ALK: variants seen among roughly 807,000 people sequenced by gnomAD.
ALK encodes the protein ALK receptor tyrosine kinase.
ALK carries 74 observed loss-of-function variants against 163.1 expected under a neutral mutation model. That is an observed-to-expected ratio of 0.45 (90% CI 0.38 to 0.55). The LOEUF (loss-of-function observed/expected upper bound fraction) is 0.55, where lower values mean the gene tolerates loss of function less well. ALK is among the 20% of genes least tolerant of loss of function. ALK has a pLI of 0.00. For missense variants in ALK, 2,063 were observed against 2,105.3 expected, an observed-to-expected ratio of 0.98 and a Z score of 0.39; for synonymous variants, 960 against 843.2, an observed-to-expected ratio of 1.14 and a Z score of -2.40.
At chr2:29,592,535 A>G (rs979725434) in intron 3 of ALK, among the ~76,000 whole-genome samples, 8 of 152,168 alleles carry the variant, frequency 5.3e-5, no homozygotes, top group African/African-American at 1.9e-4. Flanking sequence ...GGGATGCTGG[A>G]GGCCACAAAG....
chr2:29,885,860 T>C (rs1021073342), intron 1 of ALK, among the ~76,000 whole-genome samples: 8 of 152,170 alleles, frequency 5.3e-5, no homozygotes, highest in Non-Finnish European at 1.0e-4. Flanking sequence ...GGAAGAAGAA[T>C]TGATATTGTA....
chr2:29,610,235 C>A lies in ALK; in HGVS notation c.953-78119G>T, dbSNP rs527479550. Among the ~76,000 whole-genome samples, 12 of 152,230 alleles carry A rather than the reference C, an allele frequency of 7.9e-5. No individual in the cohort carries two copies. In the South Asian group the frequency reaches 2.5e-3, roughly 32 times the overall value. On this transcript the variant is annotated intron_variant, in intron 3 of 28. Transcript: ENST00000389048. ...ACCAAGCGACAGTTGCCATTACCAGCGTATGGATGGGGAAACCAAGGCATA... is the reference window on the plus strand; with the variant it reads ...ACCAAGCGACAGTTGCCATTACCAGAGTATGGATGGGGAAACCAAGGCATA...
chr2:29,577,935 G>A (rs1051359840), intron 3 of ALK, among the ~76,000 whole-genome samples: 14 of 152,112 alleles, frequency 9.2e-5, no homozygotes, highest in Non-Finnish European at 1.2e-4. Context: ...GAGGGGTGGC[G>A]GCACTGGCAG....
intron 4 of ALK, among the ~76,000 whole-genome samples, chr2:29,471,544 G>T (rs1671346431): frequency 6.6e-6 from 1 of 152,154 alleles, no homozygotes. Flanking sequence ...GTATACAGTT[G>T]TCTTGATAAA....
chr2:29,659,108 T>C (rs1041469040), intron 3 of ALK, among the ~76,000 whole-genome samples: 2 of 152,274 alleles, frequency 1.3e-5, no homozygotes, highest in Admixed American at 1.3e-4. Context: ...TGCTCTAGAA[T>C]TGTGGGTTTC....
chr2:29,333,428 A>G (rs915987492), intron 5 of ALK, among the ~76,000 whole-genome samples: 12 of 152,106 alleles, frequency 7.9e-5, no homozygotes, highest in Non-Finnish European at 7.4e-5. Flanking sequence ...TTTTTCTCAC[A>G]TTACTAGCTT....
intron 1 of ALK, among the ~76,000 whole-genome samples, chr2:29,769,857 G>A (rs938845633): frequency 6.6e-6 from 1 of 152,236 alleles, no homozygotes; most frequent in African/African-American, 2.4e-5. Context: ...TAGACTGATA[G>A]CCAATTGATT....
At chr2:29,799,142 C>A (rs1558493210) in intron 1 of ALK, among the ~76,000 whole-genome samples, 1 of 152,230 alleles carries the variant, frequency 6.6e-6, no homozygotes, top group African/African-American at 2.4e-5. Context: ...TGGGCTTTTT[C>A]ACCAGCCAGG....
At chr2:29,640,456 A>G (rs1676670136) in intron 3 of ALK, among the ~76,000 whole-genome samples, 1 of 152,078 alleles carries the variant, frequency 6.6e-6, no homozygotes, top group Admixed American at 6.5e-5. Flanking sequence ...GCTCTGGCCA[A>G]GTGATGTGCC....
chr2:29,381,286 C>T (rs978810472), intron 5 of ALK, among the ~76,000 whole-genome samples: 3 of 152,272 alleles, frequency 2.0e-5, no homozygotes, highest in Admixed American at 1.3e-4. Flanking sequence ...CTTGGCTTTG[C>T]GCATGGCGAG....
chr2:29,507,821 A>G (rs1248856342), intron 4 of ALK, among the ~76,000 whole-genome samples: 1 of 152,164 alleles, frequency 6.6e-6, no homozygotes, highest in African/African-American at 2.4e-5. Flanking sequence ...GAGAGGGGCC[A>G]TGATGTCAAT....
rs527748299 is a variant in ALK, at chr2:29,358,274, C to T, written c.1282+25458G>A. On this transcript the variant is annotated intron_variant, in intron 5 of 28. Transcript: ENST00000389048. Reference sequence around the variant, plus strand: ...AATGCTGTCCTCTTAAGATATTTTACCTTCTTTATTTAGAAATTTAAATCT... The same window carrying T: ...AATGCTGTCCTCTTAAGATATTTTATCTTCTTTATTTAGAAATTTAAATCT... Among the ~76,000 whole-genome samples the T allele has an allele frequency of 7.9e-5, 12 of 152,318 alleles. No homozygotes were observed. In the South Asian group the frequency reaches 2.5e-3, roughly 32 times the overall value.
chr2:29,503,119 T>C (rs1456303005), intron 4 of ALK, among the ~76,000 whole-genome samples: 1 of 152,260 alleles, frequency 6.6e-6, no homozygotes, highest in East Asian at 1.9e-4. Context: ...TTAATAGATA[T>C]TGTTTAAATG....
chr2:29,683,331 G>T (rs931835988), intron 3 of ALK, among the ~76,000 whole-genome samples: 1 of 151,902 alleles, frequency 6.6e-6, no homozygotes, highest in Non-Finnish European at 1.5e-5. Flanking sequence ...GAGCTGAGAT[G>T]GTGTCACTGC....
chr2:29,338,106 T>A (rs1339942481), intron 5 of ALK, among the ~76,000 whole-genome samples: 1 of 151,624 alleles, frequency 6.6e-6, no homozygotes, highest in Non-Finnish European at 1.5e-5. Context: ...GGGAAGGGGG[T>A]CAGTGAGGGG....
chr2:29,203,485 CTTTTTTTTTTTTTTT>C (rs1156462365), intron 26 of ALK, among the ~76,000 whole-genome samples: 3 of 32,548 alleles, frequency 9.2e-5, no homozygotes, highest in Non-Finnish European at 1.0e-4. Flanking sequence ...GAGGATGTGC[CTTTTTTTTTTTTTTT>C]TTTTTTTTTT....
chr2:29,791,896 C>T (rs1037680819), intron 1 of ALK, among the ~76,000 whole-genome samples: 3 of 152,068 alleles, frequency 2.0e-5, no homozygotes, highest in Admixed American at 2.0e-4. Context: ...TCTAAACAAT[C>T]GGGTGATTCA....
At chr2:29,407,420 C>T (rs915645342) in intron 4 of ALK, among the ~76,000 whole-genome samples, 1 of 152,216 alleles carries the variant, frequency 6.6e-6, no homozygotes, top group Admixed American at 6.5e-5. Context: ...TCGCCCCTAC[C>T]ATATGAAGTA....
chr2:29,564,004 G>A (rs1445431503), intron 3 of ALK, among the ~76,000 whole-genome samples: 3 of 152,076 alleles, frequency 2.0e-5, no homozygotes, highest in Non-Finnish European at 4.4e-5. Context: ...ATAAAAAGAA[G>A]CTTGAGATTT....
Sources: gnomAD v4.1 joint callset for allele counts (sites outside exome capture counted in the v4.1 genomes callset) on GRCh38, gnomAD v4.1.1 for gene constraint, MANE v1.5 for transcripts, NCBI Gene and HGNC (gene_info 2026-07-23, HGNC 2026-07-21) for gene names.